Variants in ITPR2 observed in about 807,000 individuals in gnomAD.
The protein encoded by ITPR2 is inositol 1,4,5-trisphosphate-gated calcium channel ITPR2.
ITPR2 carries 207 observed loss-of-function variants against 317.1 expected under a neutral mutation model. That is an observed-to-expected ratio of 0.65 (90% CI 0.58 to 0.73). ITPR2 has a LOEUF of 0.73. Ranked by LOEUF, ITPR2 falls within the 30% of genes least tolerant of loss-of-function variation. The pLI, the probability that ITPR2 is intolerant of heterozygous loss-of-function variation, is 0.00. For synonymous variants in ITPR2, 1,156 were observed against 1,149.1 expected (o/e 1.01, Z -0.12); for missense variants, 2,613 against 3,284.0 (o/e 0.80, Z 4.99).
chr12:26,780,529 C>G (rs1277690620), intron 2 of ITPR2, among the ~76,000 whole-genome samples: 1 of 152,156 alleles, frequency 6.6e-6, no homozygotes, highest in East Asian at 1.9e-4. Context: ...ACTGGACTTA[C>G]CATGTTCCCC....
chr12:26,800,191 A>T (rs1389914925), intron 1 of ITPR2, among the ~76,000 whole-genome samples: 4 of 150,452 alleles, frequency 2.7e-5, no homozygotes, highest in African/African-American at 9.8e-5. Flanking sequence ...TTTGTCCAGA[A>T]TTTACAGTTG....
At chr12:26,604,413 A>G (rs1388031640) in intron 26 of ITPR2, among the ~76,000 whole-genome samples, 1 of 152,132 alleles carries the variant, frequency 6.6e-6, no homozygotes, top group Non-Finnish European at 1.5e-5. Context: ...AAACCTGTCT[A>G]TCTTCCCCAC....
chr12:26,582,857 G>T (rs532467375), intron 32 of ITPR2, among the ~76,000 whole-genome samples: 5 of 152,182 alleles, frequency 3.3e-5, no homozygotes, highest in Non-Finnish European at 7.3e-5. Flanking sequence ...GGCTCTGGTT[G>T]TATTCAGCTA....
At chr12:26,418,433 A>G (rs1447347279) in intron 50 of ITPR2, among the ~76,000 whole-genome samples, 1 of 152,168 alleles carries the variant, frequency 6.6e-6, no homozygotes, top group African/African-American at 2.4e-5. Flanking sequence ...AAACCAGTAC[A>G]TATATAGGAA....
At chr12:26,408,349 G>A (rs1019733150) in intron 52 of ITPR2, among the ~76,000 whole-genome samples, 2 of 152,058 alleles carry the variant, frequency 1.3e-5, no homozygotes, top group Admixed American at 1.3e-4. Flanking sequence ...CTACTCTCCC[G>A]TTTTCTAAAA....
intron 55 of ITPR2, among the ~76,000 whole-genome samples, chr12:26,381,753 T>C (rs1455692292): frequency 6.6e-6 from 1 of 152,178 alleles, no homozygotes; most frequent in Non-Finnish European, 1.5e-5. Flanking sequence ...CGAAAACCCA[T>C]GGCCATGACA....
intron 52 of ITPR2, chr12:26,406,480 C>T (rs954574651): frequency 3.9e-5 from 5 of 126,850 alleles, no homozygotes; most frequent in South Asian, 2.5e-4. Flanking sequence ...CCAGTTACTG[C>T]GTGAATTTTC....
At chr12:26,408,969 C>A (rs988766136) in intron 52 of ITPR2, among the ~76,000 whole-genome samples, 7 of 152,168 alleles carry the variant, frequency 4.6e-5, no homozygotes, top group Non-Finnish European at 7.3e-5. Flanking sequence ...ATAATCTGAA[C>A]TTTGAGGTGG....
intron 33 of ITPR2, among the ~76,000 whole-genome samples, chr12:26,579,242 A>G (rs927907545): frequency 1.3e-5 from 2 of 152,196 alleles, no homozygotes; most frequent in Non-Finnish European, 2.9e-5. Flanking sequence ...ACAATTTCCT[A>G]TGGTTCTATC....
chr12:26,339,559 G>T, intron 56 of ITPR2, 76 bp from the exon 57 acceptor site: 4 of 1,057,448 alleles, frequency 3.8e-6, no homozygotes, highest in Non-Finnish European at 5.9e-6. Flanking sequence ...CAACCGTTTT[G>T]AGTTAATATT....
chr12:26,462,698 G>GT (rs1942067654), intron 45 of ITPR2, among the ~76,000 whole-genome samples: 1 of 144,756 alleles, frequency 6.9e-6, no homozygotes, highest in Non-Finnish European at 1.5e-5. Context: ...TTGAGACAGA[G>GT]TTTTGCTCTG....
At chr12:26,450,831 C>T (rs1022983553) in intron 45 of ITPR2, among the ~76,000 whole-genome samples, 12 of 151,912 alleles carry the variant, frequency 7.9e-5, no homozygotes, top group African/African-American at 2.7e-4. Context: ...GGTTGAGAAC[C>T]TTAGAGTGGA....
chr12:26,787,955 G>A (rs559995417), intron 2 of ITPR2, among the ~76,000 whole-genome samples: 2 of 118,480 alleles, frequency 1.7e-5, no homozygotes, highest in South Asian at 2.5e-4. Context: ...ATGAAGTTTC[G>A]CTTTTGTTGC....
chr12:26,549,664 C>T (rs1034996350), intron 37 of ITPR2, among the ~76,000 whole-genome samples: 2 of 152,056 alleles, frequency 1.3e-5, no homozygotes, highest in Non-Finnish European at 2.9e-5. Flanking sequence ...TCTTAATGAG[C>T]ACCTGAGCTG....
At chr12:26,783,630 T>C (rs1165405924) in intron 2 of ITPR2, among the ~76,000 whole-genome samples, 1 of 152,018 alleles carries the variant, frequency 6.6e-6, no homozygotes, top group Non-Finnish European at 1.5e-5. Context: ...ATAAAATCAA[T>C]TAAAATAACT....
chr12:26,608,673 C>A (rs1354420635), intron 26 of ITPR2, among the ~76,000 whole-genome samples: 1 of 151,736 alleles, frequency 6.6e-6, no homozygotes, highest in Non-Finnish European at 1.5e-5. Flanking sequence ...AGTGAGGGGC[C>A]CCTCTGCCCG....
chr12:26,430,589 C>T (rs1412603319), intron 48 of ITPR2, among the ~76,000 whole-genome samples: 1 of 152,174 alleles, frequency 6.6e-6, no homozygotes, highest in African/African-American at 2.4e-5. Context: ...CAAAGCCATT[C>T]TTTACCCATT....
At chr12:26,493,865 T>C (rs527658455) in intron 39 of ITPR2, among the ~76,000 whole-genome samples, 3 of 152,270 alleles carry the variant, frequency 2.0e-5, no homozygotes, top group South Asian at 4.1e-4. Context: ...CTTCTGGAAA[T>C]AGTGGCCTAA....
chr12:26,782,039 G>T (rs911245194), intron 2 of ITPR2, among the ~76,000 whole-genome samples: 1,278 of 24,632 alleles, frequency 0.052, 38 homozygotes, highest in East Asian at 0.11. Flanking sequence ...TATATGTATA[G>T]AGAGAGAGAG....
Sources: gnomAD v4.1 joint callset for allele counts (sites outside exome capture counted in the v4.1 genomes callset) on GRCh38, gnomAD v4.1.1 for gene constraint, MANE v1.5 for transcripts, NCBI Gene and HGNC (gene_info 2026-07-23, HGNC 2026-07-21) for gene names.